Variants in CLNK observed in about 807,000 individuals in gnomAD.
The protein encoded by CLNK is cytokine dependent hematopoietic cell linker, also known as cytokine-dependent hematopoietic cell linker.
In CLNK, 74 loss-of-function variants were observed where a neutral mutation model predicts 68.6. That is an observed-to-expected ratio of 1.08 (90% CI 0.89 to 1.31). The LOEUF (loss-of-function observed/expected upper bound fraction) is 1.31. Ranked by LOEUF, CLNK falls within the 50% of genes most tolerant of loss-of-function variation. The pLI is 0.00. For synonymous variants in CLNK, 198 were observed against 172.2 expected, an observed-to-expected ratio of 1.15 and a Z score of -1.17; for missense variants, 553 against 515.3, an observed-to-expected ratio of 1.07 and a Z score of -0.71.
At chr4:10,579,355 A>G (rs369989364) in intron 4 of CLNK, among the ~76,000 whole-genome samples, 13 of 152,270 alleles carry the variant, frequency 8.5e-5, no homozygotes, top group East Asian at 7.7e-4. Flanking sequence ...TATATGGCTT[A>G]TAATTGGGAA....
At chr4:10,565,002 A>G (rs1720048410) in intron 6 of CLNK, among the ~76,000 whole-genome samples, 1 of 152,164 alleles carries the variant, frequency 6.6e-6, no homozygotes. Flanking sequence ...AATATTCTTC[A>G]TTTTCTCATT....
intron 2 of CLNK, among the ~76,000 whole-genome samples, chr4:10,614,865 G>A (rs946108727): frequency 2.6e-5 from 4 of 152,176 alleles, no homozygotes; most frequent in Admixed American, 1.3e-4. Context: ...TATCAGTTCT[G>A]GGTGCACTAA....
At chr4:10,632,440 C>T (rs1722928095) in intron 2 of CLNK, among the ~76,000 whole-genome samples, 1 of 152,248 alleles carries the variant, frequency 6.6e-6, no homozygotes, top group Admixed American at 6.5e-5. Flanking sequence ...AGGCAACATG[C>T]ACAGTATCCC....
chr4:10,623,274 G>A (rs1722532785), intron 2 of CLNK, among the ~76,000 whole-genome samples: 1 of 152,146 alleles, frequency 6.6e-6, no homozygotes, highest in Non-Finnish European at 1.5e-5. Flanking sequence ...AGGGTTGACA[G>A]ACCATTCTCT....
At chr4:10,500,380 A>T (rs1289863750) in intron 18 of CLNK, among the ~76,000 whole-genome samples, 1 of 152,162 alleles carries the variant, frequency 6.6e-6, no homozygotes, top group Non-Finnish European at 1.5e-5. Flanking sequence ...GTTGTTGAGG[A>T]TCAAAATAAG....
chr4:10,543,140 C>A (rs368306243), intron 8 of CLNK, among the ~76,000 whole-genome samples: 2 of 152,132 alleles, frequency 1.3e-5, no homozygotes, highest in African/African-American at 2.4e-5. Context: ...AGGCTTTATA[C>A]CTTAGTGGGT....
intron 2 of CLNK, among the ~76,000 whole-genome samples, chr4:10,633,993 A>AATG (rs1722987554): frequency 6.6e-6 from 1 of 152,226 alleles, no homozygotes; most frequent in Non-Finnish European, 1.5e-5. Flanking sequence ...AGACAAGGAA[A>AATG]ATGAGATTCA....
intron 14 of CLNK, among the ~76,000 whole-genome samples, chr4:10,523,446 G>A (rs544087572): frequency 5.9e-5 from 9 of 152,238 alleles, no homozygotes; most frequent in South Asian, 2.1e-4. Flanking sequence ...ATGTGATTAC[G>A]CAGGCCTTAG....
At chr4:10,537,449 G>T (rs1718803245) in intron 11 of CLNK, among the ~76,000 whole-genome samples, 1 of 152,088 alleles carries the variant, frequency 6.6e-6, no homozygotes, top group Admixed American at 6.5e-5. Context: ...CTGCACTCCA[G>T]CCTGGGCAAT....
the CLNK span, among the ~76,000 whole-genome samples, chr4:10,719,280 C>T: frequency 1.3e-5 from 2 of 151,744 alleles, no homozygotes; most frequent in Admixed American, 6.6e-5. Flanking sequence ...ATATATAGGC[C>T]AACTATATGC....
intron 18 of CLNK, among the ~76,000 whole-genome samples, chr4:10,495,822 CATAGAG>C (rs1173938417): frequency 1.6e-5 from 2 of 125,998 alleles, no homozygotes; most frequent in Non-Finnish European, 3.3e-5. Flanking sequence ...GTCACGTGAC[CATAGAG>C]AGAGAGAGAT....
At chr4:10,676,358 G>A (rs550499660) in intron 1 of CLNK, among the ~76,000 whole-genome samples, 3 of 149,640 alleles carry the variant, frequency 2.0e-5, no homozygotes, top group Non-Finnish European at 4.4e-5. Context: ...TTGAGTGGAG[G>A]CCTTTGAAGT....
At chr4:10,722,347 C>G in the CLNK span, among the ~76,000 whole-genome samples, 40 of 152,162 alleles carry the variant, frequency 2.6e-4, no homozygotes, top group Admixed American at 9.2e-4. Flanking sequence ...AAGGCTCTCA[C>G]CAACATGGCT....
intron 11 of CLNK, among the ~76,000 whole-genome samples, chr4:10,540,031 G>T (rs1019385017): frequency 6.6e-6 from 1 of 152,184 alleles, no homozygotes; most frequent in Non-Finnish European, 1.5e-5. Flanking sequence ...GGTATAACTG[G>T]TTAGGCTTTT....
In CLNK at chr4:10,573,580, C is replaced by A. The variant is rs28592618; in HGVS notation, c.113-1802G>T. Among the ~76,000 whole-genome samples the A allele has an allele frequency of 3.5e-3, 531 of 152,306 alleles. 4 individuals carry two copies. The highest frequency in any genetic ancestry group is 0.012 in the African/African-American group (505 of 41,576). On this transcript the variant is annotated intron_variant, in intron 4 of 18. Transcript: ENST00000226951. ...AATAAGGTCACCCATTAAAGACCAGCTGGCCCGGAAGGAGCAAATGAGCTC... is the reference window on the plus strand; with the variant it reads ...AATAAGGTCACCCATTAAAGACCAGATGGCCCGGAAGGAGCAAATGAGCTC...
At chr4:10,725,619 C>T in the CLNK span, among the ~76,000 whole-genome samples, 1 of 152,076 alleles carries the variant, frequency 6.6e-6, no homozygotes, top group Admixed American at 6.6e-5. Context: ...TTTGGGAGGC[C>T]AAGGCGGGCG....
chr4:10,575,693 G>T (rs1261592873), intron 4 of CLNK, among the ~76,000 whole-genome samples: 1 of 152,240 alleles, frequency 6.6e-6, no homozygotes, highest in Non-Finnish European at 1.5e-5. Context: ...GACCTTCTAT[G>T]CTCTTGTTCT....
intron 1 of CLNK, among the ~76,000 whole-genome samples, chr4:10,674,992 G>A (rs1265905506): frequency 6.6e-6 from 1 of 152,044 alleles, no homozygotes; most frequent in African/African-American, 2.4e-5. Flanking sequence ...TGGGGCAAGG[G>A]GAGGGAGAGC....
At chr4:10,708,513 A>T in the CLNK span, among the ~76,000 whole-genome samples, 5 of 152,216 alleles carry the variant, frequency 3.3e-5, no homozygotes, top group Non-Finnish European at 5.9e-5. Flanking sequence ...CATAGATAGC[A>T]TATACAACAG....
Sources: allele counts gnomAD v4.1 joint callset (sites outside exome capture counted in the v4.1 genomes callset), GRCh38; gene constraint gnomAD v4.1.1; transcripts MANE v1.5; gene names NCBI Gene and HGNC (gene_info 2026-07-23, HGNC 2026-07-21).